The following DHX8 variants were observed in gnomAD, a reference collection of about 807,000 sequenced individuals.
DHX8 encodes the protein DEAH-box helicase 8.
In DHX8, 67 loss-of-function variants were observed where a neutral mutation model predicts 140.7. That is an observed-to-expected ratio of 0.48 (90% CI 0.39 to 0.58). DHX8 has a LOEUF of 0.58. DHX8 is among the 20% of genes least tolerant of loss of function. DHX8 has a pLI of 0.00. For missense variants in DHX8, 887 were observed against 1,550.7 expected (o/e 0.57, Z 7.19); for synonymous variants, 533 against 553.2 (o/e 0.96, Z 0.51).
intron 9 of DHX8, among the ~76,000 whole-genome samples, chr17:43,497,000 A>G (rs1207046882): frequency 2.0e-5 from 3 of 152,110 alleles, no homozygotes; most frequent in Non-Finnish European, 4.4e-5. Flanking sequence ...GTGAGCACCT[A>G]CGTACTCACC....
rs1014589387 is a variant in DHX8, at chr17:43,493,772, T to C, written c.1098T>C (p.Asn366=). Residue 366 remains asparagine, a synonymous_variant, in exon 8 of 23, where the codon AAT becomes AAC. Transcript: ENST00000262415. ...CCAATGAGGAGACCTCAATGCGGAATCCTGATAGACCCACTCACTTGTCCC... is the reference window on the plus strand; with the variant it reads ...CCAATGAGGAGACCTCAATGCGGAACCCTGATAGACCCACTCACTTGTCCC... The part of the protein sequence containing the change: ...GETNEETSMR[N]PDRPTHLSLV... 8.1e-6 allele frequency: 13 copies of C among 1,614,090 alleles called. No homozygotes were observed. In the Admixed American group the frequency reaches 1.2e-4, roughly 14 times the overall value.
chr17:43,500,311 C>T (rs535770539), intron 11 of DHX8, among the ~76,000 whole-genome samples: 193 of 152,094 alleles, frequency 1.3e-3, no homozygotes, highest in Non-Finnish European at 2.1e-3. Flanking sequence ...ATGGTGAAAC[C>T]AAGTCTCTAC....
chr17:43,498,848 G>T lies in DHX8; in HGVS notation c.1301-14G>T, dbSNP rs764136264. 2 of 1,580,304 alleles carry T rather than the reference G, an allele frequency of 1.3e-6. No individual in the cohort carries two copies. ...CTTGTTTATGGCTAATTCTTCTTTT[G>T]GGGGGACTTTTAGATGAGGACCTTG... On this transcript the variant is annotated splice_polypyrimidine_tract_variant and intron_variant, in intron 9 of 22. Coordinates refer to ENST00000262415, the MANE Select transcript of DHX8 (RefSeq NM_004941.3).
chr17:43,501,540 A>G (rs933316389), intron 11 of DHX8, among the ~76,000 whole-genome samples: 7 of 152,090 alleles, frequency 4.6e-5, no homozygotes, highest in African/African-American at 1.4e-4. Flanking sequence ...CTGGAGTGCA[A>G]CACCATGATC....
At chr17:43,526,872 C>T (rs542394300), downstream of DHX8, 5 of 379,398 alleles carry the variant, frequency 1.3e-5, no homozygotes, top group Non-Finnish European at 2.2e-5. Context: ...GTAATGTTGC[C>T]TTTTATTTGT....
At chr17:43,529,002 T>C (rs1970737844), downstream of DHX8, 15 of 922,372 alleles carry the variant, frequency 1.6e-5, no homozygotes, top group Non-Finnish European at 1.9e-5. Flanking sequence ...TTCTCCACAA[T>C]TTCTTGTCTC....
downstream of DHX8, chr17:43,528,849 G>T: frequency 1.2e-6 from 1 of 864,288 alleles, no homozygotes; most frequent in Non-Finnish European, 1.8e-6. Flanking sequence ...ACAGGCAGAT[G>T]CTCGGGGCAT....
At chr17:43,494,680 C>T (rs1968745195) in intron 8 of DHX8, among the ~76,000 whole-genome samples, 1 of 143,578 alleles carries the variant, frequency 7.0e-6, no homozygotes. Flanking sequence ...GAGATCATGC[C>T]ACTGCACTCC....
At position 43,507,551 on chromosome 17, in the gene DHX8, A is replaced by T; in HGVS notation, c.1972A>T (p.Ile658Phe). The T allele has an allele frequency of 6.2e-7, 1 of 1,614,188 alleles. No homozygotes were observed. Among genetic ancestry groups the T allele is most frequent in the Non-Finnish European group, 8.5e-7 (1 of 1,180,032 alleles). Residue 658 changes from isoleucine to phenylalanine, a missense_variant, in exon 14 of 23, where the codon ATC becomes TTC. Coordinates refer to ENST00000262415, the MANE Select transcript of DHX8 (RefSeq NM_004941.3). ...FEDCTSPETV[I>F]KYMTDGMLLR... ...GGACTGCACTAGCCCTGAAACAGTC[A>T]TCAAGTACATGACAGATGGGATGTT...
rs1193872327 is a variant in DHX8, at chr17:43,504,680, T to C, written c.1583T>C (p.Ile528Thr). 2 of 1,613,866 alleles carry C rather than the reference T, an allele frequency of 1.2e-6. No individual in the cohort carries two copies. The highest frequency in any genetic ancestry group is 8.5e-7 in the Non-Finnish European group (1 of 1,179,972). The change falls in exon 12 of 23, where the codon ATT becomes ACT. Residue 528 changes from isoleucine to threonine, a missense_variant. Around this residue, in one of 9 missense-constraint regions of DHX8, gnomAD observed 178 missense variants for 398.5 expected, o/e 0.45. Coordinates refer to ENST00000262415, the MANE Select transcript of DHX8 (RefSeq NM_004941.3). The stretch of plus-strand genomic sequence containing the variant: ...CAGATTGCTGCCAACATGAGGGGTA[T>C]TGGGATGATGCCCAATGATATTCCT... ...GRQIAANMRGIGMMPNDIPEW... is the reference protein window; with the variant it reads ...GRQIAANMRGTGMMPNDIPEW...
rs905207780 is a variant in DHX8 at position 43,524,041 on chromosome 17, C to T, written c.*194C>T. 1.8e-5 allele frequency: 25 copies of T among 1,420,404 alleles called. No individual in the cohort carries two copies. Among genetic ancestry groups the T allele is most frequent in the Non-Finnish European group, 1.8e-5 (20 of 1,090,746 alleles). The allele number at this position is 1,420,404 out of a possible 1,614,324, so 88.0% of individuals were successfully genotyped here. A position where few individuals can be genotyped will look rare whatever the true frequency, so the allele number is the denominator to read the frequency against. ...TAAACCTGGCTTTGGCAAGAGCCTGCAGCCTCCATCACCCCAAGTCCTTGG... is the reference window on the plus strand; with the variant it reads ...TAAACCTGGCTTTGGCAAGAGCCTGTAGCCTCCATCACCCCAAGTCCTTGG... On this transcript the variant is annotated 3_prime_UTR_variant, in exon 23 of 23. Transcript: ENST00000262415.
intron 1 of DHX8, among the ~76,000 whole-genome samples, chr17:43,488,504 G>A (rs1385826969): frequency 2.6e-5 from 4 of 151,914 alleles, no homozygotes; most frequent in East Asian, 3.9e-4. Flanking sequence ...CCAGCTACTC[G>A]GGAGGCTGAG....
intron 2 of DHX8, among the ~76,000 whole-genome samples, chr17:43,534,454 A>G (rs1314890670): frequency 6.6e-6 from 1 of 152,154 alleles, no homozygotes; most frequent in East Asian, 1.9e-4. Flanking sequence ...AGATCATGCC[A>G]CTGCACTCCA....
intron 12 of DHX8, among the ~76,000 whole-genome samples, 192 bp from the exon 13 acceptor site, chr17:43,506,811 T>A (rs1969521009): frequency 6.6e-6 from 1 of 152,188 alleles, no homozygotes; most frequent in South Asian, 2.1e-4. Flanking sequence ...ACATTTTTTA[T>A]GTATCTTTTA....
In DHX8 at chr17:43,498,835, T is replaced by G. The variant is rs752636077; in HGVS notation, c.1301-27T>G. ...ATTGTTATTTTTTCTTGTTTATGGC[T>G]AATTCTTCTTTTGGGGGGACTTTTA... On this transcript the variant is annotated intron_variant, in intron 9 of 22. Transcript: ENST00000262415. 5.2e-6 allele frequency: 8 copies of G among 1,552,318 alleles called. No homozygotes were observed. In the East Asian group the frequency reaches 1.6e-4, roughly 32 times the overall value.
chr17:43,506,866 T>C, intron 12 of DHX8, 137 bp from the exon 13 acceptor site: 1 of 595,986 alleles, frequency 1.7e-6, no homozygotes, highest in South Asian at 3.6e-5. Flanking sequence ...ATTCCTCTTT[T>C]CTTTGGTGTT....
chr17:43,484,627 T>C (rs564617400), intron 1 of DHX8, among the ~76,000 whole-genome samples: 1 of 152,276 alleles, frequency 6.6e-6, no homozygotes, highest in Admixed American at 6.5e-5. Flanking sequence ...CTTTTAACTG[T>C]GTTCTTTGAC....
intron 1 of DHX8, among the ~76,000 whole-genome samples, chr17:43,489,074 G>A (rs939960319): frequency 6.6e-5 from 10 of 151,628 alleles, no homozygotes; most frequent in Non-Finnish European, 1.2e-4. Flanking sequence ...GCGCAATGCC[G>A]GCTTACTGCA....
At position 43,525,193 on chromosome 17, in the gene DHX8, G is replaced by T. The variant is rs71382974; in HGVS notation, c.*1346G>T. ...GTCTGGATGTAGTGCTTGTAGAGAA[G>T]CTTCTGAGAGATTGGGCACATCCTG... On this transcript the variant is annotated 3_prime_UTR_variant, in exon 23 of 23. Coordinates refer to ENST00000262415, the MANE Select transcript of DHX8 (RefSeq NM_004941.3). The T allele has an allele frequency of 2.9e-3, 2,887 of 985,434 alleles. 67 individuals carry two copies. The African/African-American group carries it at 0.047, about 16-fold the overall frequency. 61.0% of individuals were successfully genotyped at this position (985,434 alleles called of 1,614,324 possible).
Sources: allele counts gnomAD v4.1 joint callset (sites outside exome capture counted in the v4.1 genomes callset), GRCh38; gene constraint gnomAD v4.1.1; regional missense constraint gnomAD v4.1.1; transcripts MANE v1.5; gene names NCBI Gene and HGNC (gene_info 2026-07-23, HGNC 2026-07-21).